CTBP1: variants seen among roughly 807,000 people sequenced by gnomAD.
CTBP1 encodes C-terminal binding protein 1.
CTBP1 carries 11 observed loss-of-function variants against 42.1 expected under a neutral mutation model. That is an observed-to-expected ratio of 0.26 (90% CI 0.16 to 0.43). The LOEUF (loss-of-function observed/expected upper bound fraction) is 0.43. CTBP1 is among the 20% of genes least tolerant of loss of function. The probability of loss-of-function intolerance (pLI) is 1.00; values close to 1 mark genes in which losing one functional copy is unlikely to be tolerated. For missense variants in CTBP1, 399 were observed against 624.3 expected, an observed-to-expected ratio of 0.64 and a Z score of 3.85; for synonymous variants, 324 against 277.1, an observed-to-expected ratio of 1.17 and a Z score of -1.68.
chr4:1,246,623 C>T (rs1355777459), intron 1 of CTBP1, among the ~76,000 whole-genome samples: 2 of 152,198 alleles, frequency 1.3e-5, no homozygotes, highest in East Asian at 1.9e-4. Flanking sequence ...GTGACACCAC[C>T]GTCAGCTCAG....
At position 1,233,996 on chromosome 4, in the gene CTBP1, T is replaced by G. The variant is rs760909423; in HGVS notation, c.162+4187A>C. ...CACGGTTCCCAGCACGTGGCTCCCC[T>G]CACAGTCCAAGGTGGCTACCCCGGG... On this transcript the variant is annotated intron_variant, in intron 3 of 9. Coordinates refer to ENST00000382952, the MANE Select transcript of CTBP1 (RefSeq NM_001012614.2). The surrounding 1 kb of genome is among the most constrained non-coding windows in gnomAD (Gnocchi z 4.6). Among the ~76,000 whole-genome samples, 1 of 152,122 alleles carries G rather than the reference T, an allele frequency of 6.6e-6. No individual in the cohort carries two copies.
chr4:1,224,455 C>G (rs1318068334), intron 5 of CTBP1, among the ~76,000 whole-genome samples: 3 of 149,610 alleles, frequency 2.0e-5, no homozygotes, highest in African/African-American at 7.4e-5. Flanking sequence ...GTTATCTGTG[C>G]GTGCCCATGA....
intron 5 of CTBP1, among the ~76,000 whole-genome samples, chr4:1,223,857 G>C (rs958929062): frequency 2.0e-5 from 3 of 152,220 alleles, no homozygotes; most frequent in Non-Finnish European, 2.9e-5. Flanking sequence ...TTGCCGCTCT[G>C]AGCTCAACCT....
At position 1,228,186 on chromosome 4, in the gene CTBP1, G is replaced by A. The variant is rs759864701; in HGVS notation, c.307+13C>T. Reference sequence around the variant, plus strand: ...CATGAATGGGCACAGGAGAGAACTCGGAGCCGGCCTACCTAAATCCCCGGC... The same window carrying A: ...CATGAATGGGCACAGGAGAGAACTCAGAGCCGGCCTACCTAAATCCCCGGC... On this transcript the variant is annotated intron_variant, in intron 4 of 9. Coordinates refer to ENST00000382952, the MANE Select transcript of CTBP1 (RefSeq NM_001012614.2). 1.7e-5 allele frequency: 28 copies of A among 1,613,732 alleles called. No homozygotes were observed. Among genetic ancestry groups the A allele is most frequent in the African/African-American group, 6.7e-5 (5 of 74,928 alleles).
chr4:1,242,597 G>A (rs1387789921), intron 1 of CTBP1: 1 of 985,320 alleles, frequency 1.0e-6, no homozygotes, highest in Non-Finnish European at 1.2e-6. Flanking sequence ...GGGCTGGGGT[G>A]CAGCCCCACG....
chr4:1,229,225 G>A (rs747368511), intron 3 of CTBP1, among the ~76,000 whole-genome samples: 1 of 152,186 alleles, frequency 6.6e-6, no homozygotes, highest in Admixed American at 6.5e-5. Flanking sequence ...GCCCTAGGCC[G>A]AAGAACCAGG....
Position 1,241,427 on chromosome 4 carries a change from G to T in CTBP1, c.-96C>A. 1 of 1,475,924 alleles carries T rather than the reference G, an allele frequency of 6.8e-7. No homozygotes were observed. Among genetic ancestry groups the T allele is most frequent in the Non-Finnish European group, 9.5e-7 (1 of 1,054,510 alleles). 91.4% of individuals were successfully genotyped at this position (1,475,924 alleles called of 1,614,324 possible). A position where few individuals can be genotyped will look rare whatever the true frequency, so the allele number is the denominator to read the frequency against. ...AGGCAGAACCGCGTCCTGTCTCGGA[G>T]CCTCATCCCACGTCCTTAATTGTCT... On this transcript the variant is annotated 5_prime_UTR_variant, in exon 2 of 10. Transcript: ENST00000382952.
At position 1,216,243 on chromosome 4, in the gene CTBP1, C is replaced by CA. The variant is rs1729099863; in HGVS notation, c.515-39_515-38insT. On this transcript the variant is annotated intron_variant, in intron 5 of 9. Coordinates refer to ENST00000382952, the MANE Select transcript of CTBP1 (RefSeq NM_001012614.2). ...AGACACAGTGTGAGACCCTTGCTCA[C>CA]CCGTGGCCGGGAGGCCGGCCCCGAA... 3 of 1,576,310 alleles carry CA rather than the reference C, an allele frequency of 1.9e-6. No homozygotes were observed. The African/African-American group carries it at 4.1e-5, about 21-fold the overall frequency.
Position 1,228,275 on chromosome 4 carries a change from C to T in CTBP1, c.231G>A (p.Lys77=). ...TITLTREDLE[K]FKALRIIVRI... ...GGACGATGATGCGGAGGGCTTTGAA[C>T]TTCTCCAGGTCCTCCCTGGTGAGAG... is the stretch of plus-strand genomic sequence containing the variant. Residue 77 remains lysine, a synonymous_variant, in exon 4 of 10, where the codon AAG becomes AAA. Coordinates refer to ENST00000382952, the MANE Select transcript of CTBP1 (RefSeq NM_001012614.2). 1 of 1,614,198 alleles carries T rather than the reference C, an allele frequency of 6.2e-7. No individual in the cohort carries two copies. The highest frequency in any genetic ancestry group is 8.5e-7 in the Non-Finnish European group (1 of 1,180,022).
chr4:1,248,639 C>T lies in CTBP1; in HGVS notation c.-189+277G>A, dbSNP rs1334774715. 19 of 978,200 alleles carry T rather than the reference C, an allele frequency of 1.9e-5. No homozygotes were observed. In the Admixed American group the frequency reaches 1.2e-3, roughly 61 times the overall value. 60.6% of individuals were successfully genotyped at this position (978,200 alleles called of 1,614,324 possible). ...GGGGTCCGGCGGGGCAGCCCAGAGG[C>T]CCACAGGCCCTTTTGTGTCACCTGC... On this transcript the variant is annotated intron_variant, in intron 1 of 9. Transcript: ENST00000382952.
At chr4:1,223,585 T>C (rs752282216) in intron 5 of CTBP1, 1 of 435,580 alleles carries the variant, frequency 2.3e-6, no homozygotes. Flanking sequence ...TGCATCCCCA[T>C]GGGGCCTCCT....
In CTBP1 at chr4:1,238,227, C is replaced by A; in HGVS notation, c.118G>T (p.Val40Leu). 1 of 1,612,896 alleles carries A rather than the reference C, an allele frequency of 6.2e-7. No homozygotes were observed. The highest frequency in any genetic ancestry group is 8.5e-7 in the Non-Finnish European group (1 of 1,179,808). The change falls in exon 3 of 10, where the codon GTG (valine) becomes TTG (leucine). Residue 40 changes from valine (V) to leucine (L), a missense_variant. Around this residue, in one of 4 missense-constraint regions of CTBP1, gnomAD observed 13 missense variants for 61.5 expected, o/e 0.21. Coordinates refer to ENST00000382952, the MANE Select transcript of CTBP1 (RefSeq NM_001012614.2). This position sits in a 1 kb window ranked among gnomAD's most constrained non-coding sequence, Gnocchi z 5.9. ...GTGGACTGCGCGTCGCAGAAGGCCA[C>A]AGTGGCCACGTCCTTCAGGATGGGC... is the stretch of plus-strand genomic sequence containing the variant. ...EMPILKDVAT[V>L]AFCDAQSTQE...
chr4:1,248,758 C>G (rs1423405053), intron 1 of CTBP1, 158 bp downstream of exon 1: 21 of 976,838 alleles, frequency 2.1e-5, no homozygotes, highest in South Asian at 4.7e-5. Flanking sequence ...CGCCCCCGAC[C>G]GCGGCCACGC....
chr4:1,247,670 G>C (rs976937859), intron 1 of CTBP1, among the ~76,000 whole-genome samples: 22 of 152,038 alleles, frequency 1.4e-4, no homozygotes, highest in Non-Finnish European at 2.9e-5. Context: ...GCTCAGCGAG[G>C]ACGGCCGCGG....
chr4:1,227,906 G>C (rs575136894), intron 4 of CTBP1, among the ~76,000 whole-genome samples: 2 of 152,336 alleles, frequency 1.3e-5, no homozygotes, highest in African/African-American at 4.8e-5. Flanking sequence ...CTCACCCCCA[G>C]GGTCCCAGTA....
chr4:1,238,667 C>A lies in CTBP1; in HGVS notation c.8-330G>T, dbSNP rs186153014. ...CAGACCCTCTGAGACCCTCTCACAC[C>A]CTCCAAGACCCTCCGAGACCCCCCA... On this transcript the variant is annotated intron_variant, in intron 2 of 9. Transcript: ENST00000382952. This position sits in a 1 kb window ranked among gnomAD's most constrained non-coding sequence, Gnocchi z 5.9. 2.1e-4 allele frequency among the ~76,000 whole-genome samples: 31 copies of A among 151,008 alleles called. No homozygotes were observed. In the East Asian group the frequency reaches 5.8e-3, roughly 28 times the overall value.
chr4:1,229,526 G>GCGCA (rs1730741384), intron 3 of CTBP1, among the ~76,000 whole-genome samples: 2 of 152,216 alleles, frequency 1.3e-5, no homozygotes, highest in Admixed American at 1.3e-4. Context: ...CGGATCAATG[G>GCGCA]CGCAGGCTCA....
chr4:1,221,720 C>T (rs971051069), intron 5 of CTBP1: 6 of 372,546 alleles, frequency 1.6e-5, no homozygotes, highest in Non-Finnish European at 2.7e-5. Context: ...CTCGCAGGGT[C>T]GTCGCGGGGC....
intron 5 of CTBP1, among the ~76,000 whole-genome samples, chr4:1,222,713 C>A (rs1033515420): frequency 6.6e-6 from 1 of 152,150 alleles, no homozygotes; most frequent in African/African-American, 2.4e-5. Flanking sequence ...CCACTCAGCA[C>A]GGGGCCCTGG....
Sources: allele counts gnomAD v4.1 joint callset (sites outside exome capture counted in the v4.1 genomes callset), GRCh38; gene constraint gnomAD v4.1.1; regional missense constraint gnomAD v4.1.1; non-coding constraint Gnocchi (gnomAD v3.1); transcripts MANE v1.5; gene names NCBI Gene and HGNC (gene_info 2026-07-23, HGNC 2026-07-21).